Variants in PICALM observed in about 807,000 individuals in gnomAD.
The protein encoded by PICALM is phosphatidylinositol binding clathrin assembly protein, also known as phosphatidylinositol-binding clathrin assembly protein.
In PICALM, 40 loss-of-function variants were observed where a neutral mutation model predicts 80.5. That is an observed-to-expected ratio of 0.50 (90% CI 0.39 to 0.65). The LOEUF is 0.65. Among genes scored for constraint, PICALM ranks in the 30% least tolerant of loss-of-function variants. The pLI is 0.00. For synonymous variants in PICALM, 288 were observed against 260.3 expected (o/e 1.11, Z -1.02); for missense variants, 676 against 778.9 (o/e 0.87, Z 1.57).
At position 85,996,847 on chromosome 11, in the gene PICALM, G is replaced by T. The variant is rs1380732459; in HGVS notation, c.1237C>A (p.Gln413Lys). The change falls in exon 12 of 20, where the codon CAG becomes AAG. Residue 413 changes from glutamine to lysine, a missense_variant. Transcript: ENST00000393346. ...TTACCTCCCCATGTACTTGCTACCT[G>T]AGAAGCAGTTGACATAGGATGTACA... ...PSVHPMSTAS[Q>K]VASTWGDPFS... 2 of 1,605,592 alleles carry T rather than the reference G, an allele frequency of 1.2e-6. No homozygotes were observed. Among genetic ancestry groups the T allele is most frequent in the Admixed American group, 3.3e-5 (2 of 59,840 alleles).
intron 1 of PICALM, among the ~76,000 whole-genome samples, chr11:86,067,989 A>C (rs2096469866): frequency 6.6e-6 from 1 of 152,244 alleles, no homozygotes; most frequent in East Asian, 1.9e-4. Context: ...GTAATCTGAA[A>C]TAAAAGTCGG....
At chr11:86,024,175 A>C (rs895117926) in intron 3 of PICALM, among the ~76,000 whole-genome samples, 6 of 152,054 alleles carry the variant, frequency 3.9e-5, no homozygotes, top group African/African-American at 1.4e-4. Context: ...TCAAAGAAAA[A>C]AAAAATTTTT....
chr11:86,021,175 T>C (rs1406551772), intron 4 of PICALM, among the ~76,000 whole-genome samples: 1 of 152,086 alleles, frequency 6.6e-6, no homozygotes, highest in Non-Finnish European at 1.5e-5. Flanking sequence ...TAGTGAGAAC[T>C]CATTTGTATG....
chr11:85,992,835 C>T (rs1233225827), intron 12 of PICALM, among the ~76,000 whole-genome samples: 3 of 152,182 alleles, frequency 2.0e-5, no homozygotes, highest in Non-Finnish European at 4.4e-5. Context: ...ATTTCAATCA[C>T]TTCCTATTAC....
chr11:86,041,029 T>C (rs1018179244), intron 1 of PICALM, among the ~76,000 whole-genome samples: 3 of 152,054 alleles, frequency 2.0e-5, no homozygotes, highest in African/African-American at 7.3e-5. Flanking sequence ...AAGCAAATTT[T>C]CCCTGGTTTC....
At chr11:86,059,437 G>A (rs1237238987) in intron 1 of PICALM, among the ~76,000 whole-genome samples, 1 of 152,212 alleles carries the variant, frequency 6.6e-6, no homozygotes, top group Non-Finnish European at 1.5e-5. Flanking sequence ...GGACCAGGGG[G>A]AGTTATTCAG....
intron 2 of PICALM, among the ~76,000 whole-genome samples, chr11:86,030,071 A>T (rs1037459337): frequency 2.0e-5 from 3 of 152,212 alleles, no homozygotes; most frequent in Non-Finnish European, 2.9e-5. Context: ...AAAATAGTTT[A>T]AAAATTGTGA....
intron 3 of PICALM, among the ~76,000 whole-genome samples, chr11:86,024,170 GA>G (rs1055658011): frequency 1.1e-4 from 16 of 149,786 alleles, no homozygotes; most frequent in Admixed American, 1.3e-4. Flanking sequence ...CTGTCTCAAA[GA>G]AAAAAAAAAT....
In PICALM at chr11:85,958,773, C is replaced by T. The variant is rs1012823754; in HGVS notation, c.*273G>A. 1 of 366,714 alleles carries T rather than the reference C, an allele frequency of 2.7e-6. No individual in the cohort carries two copies. Among genetic ancestry groups the T allele is most frequent in the Non-Finnish European group, 4.9e-6 (1 of 202,464 alleles). 22.7% of individuals were successfully genotyped at this position (366,714 alleles called of 1,614,324 possible). A position where few individuals can be genotyped will look rare whatever the true frequency, so the allele number is the denominator to read the frequency against. On this transcript the variant is annotated 3_prime_UTR_variant, in exon 20 of 20. Coordinates refer to ENST00000393346, the MANE Select transcript of PICALM (RefSeq NM_007166.4). ...ATAGGTTACTGATTATGGGTATTAA[C>T]AGGAGTTGAAAGAATTGAAGGGTTA...
intron 12 of PICALM, among the ~76,000 whole-genome samples, chr11:85,995,889 C>T (rs1211467421): frequency 1.3e-5 from 2 of 152,096 alleles, no homozygotes; most frequent in Admixed American, 6.5e-5. Context: ...TTAGGAATTA[C>T]TCTCAGATCT....
Position 85,996,857 on chromosome 11 carries a change from T to C in PICALM, c.1227A>G (p.Ser409=), listed in dbSNP as rs1592706843. The C allele has an allele frequency of 3.7e-6, 6 of 1,611,392 alleles. No individual in the cohort carries two copies. Among genetic ancestry groups the C allele is most frequent in the Non-Finnish European group, 4.2e-6 (5 of 1,177,840 alleles). ...ATGTACTTGCTACCTGAGAAGCAGT[T>C]GACATAGGATGTACAGATGGGTGAA... is the stretch of plus-strand genomic sequence containing the variant. The part of the protein sequence containing the change: ...PTFHPSVHPM[S]TASQVASTWG... Residue 409 remains serine, a synonymous_variant, in exon 12 of 20, where the codon TCA becomes TCG. Coordinates refer to ENST00000393346, the MANE Select transcript of PICALM (RefSeq NM_007166.4).
intron 14 of PICALM, among the ~76,000 whole-genome samples, chr11:85,982,727 G>A (rs927582501): frequency 6.6e-5 from 10 of 152,022 alleles, no homozygotes; most frequent in African/African-American, 4.8e-5. Context: ...GCGCCCGGCC[G>A]AGACCTTTTT....
intron 7 of PICALM, among the ~76,000 whole-genome samples, chr11:86,010,329 CTTT>C (rs377755641): frequency 3.5e-5 from 5 of 141,036 alleles, no homozygotes; most frequent in Non-Finnish European, 4.7e-5. Flanking sequence ...GGAACAAAAG[CTTT>C]TTTTTTTTTT....
intron 17 of PICALM, among the ~76,000 whole-genome samples, chr11:85,979,462 C>G (rs2094375730): frequency 6.6e-6 from 1 of 150,898 alleles, no homozygotes; most frequent in Non-Finnish European, 1.5e-5. Flanking sequence ...TGCAATGTAG[C>G]CTGGGCAAAA....
chr11:86,021,972 A>G (rs1204075755), intron 4 of PICALM, among the ~76,000 whole-genome samples: 5 of 152,360 alleles, frequency 3.3e-5, no homozygotes, highest in South Asian at 4.1e-4. Context: ...AGACAAGCCC[A>G]GAGACACAGA....
intron 2 of PICALM, 80 bp downstream of exon 2, chr11:86,031,389 T>C: frequency 9.0e-7 from 1 of 1,110,660 alleles, no homozygotes; most frequent in African/African-American, 1.6e-5. Context: ...CTGGGAGCTG[T>C]TTCTGAAGTT....
chr11:85,980,997 A>G, intron 17 of PICALM, 132 bp downstream of exon 17: 1 of 564,570 alleles, frequency 1.8e-6, no homozygotes, highest in Non-Finnish European at 3.2e-6. Context: ...CTTTGAAAGA[A>G]ATACAATTAC....
intron 1 of PICALM, among the ~76,000 whole-genome samples, chr11:86,042,233 C>G (rs768122423): frequency 1.3e-5 from 2 of 152,046 alleles, no homozygotes; most frequent in Admixed American, 6.6e-5. Context: ...TAGGCCCATC[C>G]TAGATTCCAA....
chr11:85,993,824 C>CTT (rs2094873587), intron 12 of PICALM, among the ~76,000 whole-genome samples: 1 of 152,102 alleles, frequency 6.6e-6, no homozygotes, highest in Admixed American at 6.5e-5. Flanking sequence ...GCACCACAGT[C>CTT]ATATTATCGC....
Sources: allele counts gnomAD v4.1 joint callset (sites outside exome capture counted in the v4.1 genomes callset), GRCh38; gene constraint gnomAD v4.1.1; transcripts MANE v1.5; gene names NCBI Gene and HGNC (gene_info 2026-07-23, HGNC 2026-07-21).